DENND4C: variants seen among roughly 807,000 people sequenced by gnomAD.
The protein encoded by DENND4C is DENN domain containing 4C, also known as DENN domain-containing protein 4C.
A neutral mutation model predicts 203.0 loss-of-function variants in DENND4C; 108 were observed. The observed-to-expected ratio is 0.53, with a 90% confidence interval of 0.46 to 0.62. The LOEUF is 0.62. Ranked by LOEUF, DENND4C falls within the 20% of genes least tolerant of loss-of-function variation. The pLI is 0.00. For missense variants in DENND4C, 2,481 were observed against 2,301.2 expected (o/e 1.08, Z -1.60); for synonymous variants, 871 against 792.4 (o/e 1.10, Z -1.67).
At chr9:19,354,057 A>G (rs1824797592) in intron 26 of DENND4C, among the ~76,000 whole-genome samples, 1 of 152,100 alleles carries the variant, frequency 6.6e-6, no homozygotes, top group African/African-American at 2.4e-5. Context: ...TCATTCCCCT[A>G]TTCTACGAAG....
At chr9:19,234,530 G>GTTTTTTTTTTTT (rs34232597) in intron 1 of DENND4C, among the ~76,000 whole-genome samples, 1 of 104,452 alleles carries the variant, frequency 9.6e-6, no homozygotes. Flanking sequence ...GCACCTGGCT[G>GTTTTTTTTTTTT]TTTTTTTTTT....
At chr9:19,258,594 A>T (rs73425074) in intron 1 of DENND4C, among the ~76,000 whole-genome samples, 7,812 of 152,228 alleles carry the variant, frequency 0.051, 352 homozygotes, top group African/African-American at 0.12. Flanking sequence ...AGCCATAATG[A>T]TCTCAGTAGA....
At chr9:19,289,127 C>T (rs1359892016) in intron 4 of DENND4C, among the ~76,000 whole-genome samples, 3 of 152,148 alleles carry the variant, frequency 2.0e-5, no homozygotes, top group African/African-American at 7.2e-5. Flanking sequence ...TGCAAAGAAT[C>T]AGCTATATGG....
chr9:19,259,645 A>G (rs945799342), intron 1 of DENND4C, among the ~76,000 whole-genome samples: 1 of 151,426 alleles, frequency 6.6e-6, no homozygotes, highest in African/African-American at 2.4e-5. Flanking sequence ...AGCTGGGATT[A>G]CAGGCATGTC....
Position 19,370,067 on chromosome 9 carries a change from T to C in DENND4C, c.5675+80T>C, listed in dbSNP as rs1334202738. Reference sequence around the variant, plus strand: ...AAAATATCTTACTTTTAAAAATATCTCTAGTTGTCGAAGAAACACATACTC... The same window carrying C: ...AAAATATCTTACTTTTAAAAATATCCCTAGTTGTCGAAGAAACACATACTC... On this transcript the variant is annotated intron_variant, in intron 31 of 32. Transcript: ENST00000434457. 2.0e-6 allele frequency: 3 copies of C among 1,525,586 alleles called. No individual in the cohort carries two copies. In the East Asian group the frequency reaches 7.1e-5, roughly 36 times the overall value. 94.5% of individuals were successfully genotyped at this position (1,525,586 alleles called of 1,614,324 possible).
intron 2 of DENND4C, among the ~76,000 whole-genome samples, chr9:19,284,624 A>G (rs1834827679): frequency 6.6e-6 from 1 of 152,034 alleles, no homozygotes; most frequent in Non-Finnish European, 1.5e-5. Context: ...GTGGTCTGAC[A>G]TATTTTTTGT....
At chr9:19,305,711 AT>A (rs1404139276) in intron 10 of DENND4C, among the ~76,000 whole-genome samples, 184 bp downstream of exon 10, 11 of 152,194 alleles carry the variant, frequency 7.2e-5, no homozygotes, top group African/African-American at 2.4e-4. Context: ...GGAAAAAAAA[AT>A]GTTCAGTATT....
intron 12 of DENND4C, among the ~76,000 whole-genome samples, chr9:19,323,885 G>C (rs976375142): frequency 6.6e-6 from 1 of 152,166 alleles, no homozygotes; most frequent in African/African-American, 2.4e-5. Context: ...AGTTACCACA[G>C]GTTGAGCTTC....
At chr9:19,287,938 G>C (rs1156607970) in intron 3 of DENND4C, among the ~76,000 whole-genome samples, 2 of 152,134 alleles carry the variant, frequency 1.3e-5, no homozygotes, top group Non-Finnish European at 2.9e-5. Flanking sequence ...CACCATGTTG[G>C]TTGGCCAGGA....
intron 1 of DENND4C, among the ~76,000 whole-genome samples, chr9:19,270,023 C>T (rs1831305574): frequency 6.6e-6 from 1 of 152,176 alleles, no homozygotes; most frequent in Admixed American, 6.5e-5. Context: ...AGACTTATAG[C>T]TGTATGGCCT....
chr9:19,257,279 C>T (rs1472064748), intron 1 of DENND4C, among the ~76,000 whole-genome samples: 3 of 150,930 alleles, frequency 2.0e-5, no homozygotes, highest in Admixed American at 1.3e-4. Flanking sequence ...TCGCTTAAAC[C>T]CAGGAGGCGG....
chr9:19,357,333 T>A lies in DENND4C; in HGVS notation c.4964+179T>A, dbSNP rs1348723473. 15 of 561,266 alleles carry A rather than the reference T, an allele frequency of 2.7e-5. No individual in the cohort carries two copies. The East Asian group carries it at 4.5e-4, about 17-fold the overall frequency. 34.8% of individuals were successfully genotyped at this position (561,266 alleles called of 1,614,324 possible). ...TGAATGAATCTGATGATAAACCATT[T>A]TTGAACTAAGTTTAATATTTTACAG... On this transcript the variant is annotated intron_variant, in intron 27 of 32. Transcript: ENST00000434457.
intron 2 of DENND4C, among the ~76,000 whole-genome samples, chr9:19,284,977 G>T (rs533624245): frequency 6.6e-6 from 1 of 152,162 alleles, no homozygotes; most frequent in African/African-American, 2.4e-5. Flanking sequence ...TATACTTTTA[G>T]CACTAGTATG....
chr9:19,369,119 G>A (rs944017096), intron 30 of DENND4C, among the ~76,000 whole-genome samples: 4 of 151,962 alleles, frequency 2.6e-5, no homozygotes, highest in Admixed American at 1.3e-4. Context: ...TCCAGCCTTG[G>A]CAACAGAATG....
rs1329621144 is a variant in DENND4C at position 19,266,968 on chromosome 9, A to ATGT, written c.-17-9190_-17-9189insTGT. ...TTCTTTTTTATCACATCGTGGTCAG[A>ATGT]GACCTATTTGACGTACTTTCAGTTT... On this transcript the variant is annotated intron_variant, in intron 1 of 32. Coordinates refer to ENST00000434457, the MANE Select transcript of DENND4C (RefSeq NM_001330640.2). 1.4e-4 allele frequency among the ~76,000 whole-genome samples: 21 copies of ATGT among 152,284 alleles called. 2 individuals are homozygous for ATGT. Among genetic ancestry groups the ATGT allele is most frequent in the Admixed American group, 4.6e-4 (7 of 15,278 alleles).
intron 3 of DENND4C, among the ~76,000 whole-genome samples, chr9:19,287,804 C>T (rs145244244): frequency 0.021 from 3,165 of 152,168 alleles, 115 homozygotes; most frequent in African/African-American, 0.072. Flanking sequence ...GTGATCTTGG[C>T]TCACTGCAAC....
chr9:19,300,311 G>A lies in DENND4C; in HGVS notation c.1291G>A (p.Val431Ile), dbSNP rs766295556. 4 of 1,592,142 alleles carry A rather than the reference G, an allele frequency of 2.5e-6. No homozygotes were observed. The highest frequency in any genetic ancestry group is 1.1e-5 in the South Asian group (1 of 87,642). ...TCTTAGGCCAGCTGTCTTGACTGGG[G>A]TAGCTGAAGCTGTTGTAGCTGTAAG... is the stretch of plus-strand genomic sequence containing the variant. ...HSLRPAVLTG[V>I]AEAVVAMIFP... Residue 431 changes from valine to isoleucine, a missense_variant, in exon 9 of 33, where the codon GTA (valine) becomes ATA (isoleucine). By Grantham distance (29) the Val-to-Ile change is conservative. Transcript: ENST00000434457.
At chr9:19,286,015 GA>G (rs964427390) in intron 2 of DENND4C, among the ~76,000 whole-genome samples, 10 of 152,132 alleles carry the variant, frequency 6.6e-5, no homozygotes, top group Admixed American at 3.3e-4. Context: ...TCTTTTTCCA[GA>G]TTGCTTTGAC....
chr9:19,314,286 C>T (rs914281475), intron 10 of DENND4C, among the ~76,000 whole-genome samples: 1 of 151,954 alleles, frequency 6.6e-6, no homozygotes, highest in Non-Finnish European at 1.5e-5. Flanking sequence ...AACCCCGTCT[C>T]TACTAAAAAT....
Sources: allele counts gnomAD v4.1 joint callset (sites outside exome capture counted in the v4.1 genomes callset), GRCh38; gene constraint gnomAD v4.1.1; transcripts MANE v1.5; gene names NCBI Gene and HGNC (gene_info 2026-07-23, HGNC 2026-07-21).